EFHD2: variants seen among roughly 807,000 people sequenced by gnomAD.
EFHD2 encodes the protein EF-hand domain-containing protein D2.
In EFHD2, 12 loss-of-function variants were observed where a neutral mutation model predicts 20.3. The ratio of observed to expected loss-of-function variants is 0.59; its 90% CI spans 0.38 to 0.96. The LOEUF (loss-of-function observed/expected upper bound fraction) is 0.96. EFHD2 is among the 40% of genes least tolerant of loss of function. EFHD2 has a pLI of 0.00. For synonymous variants in EFHD2, 131 were observed against 143.9 expected, an observed-to-expected ratio of 0.91 and a Z score of 0.64; for missense variants, 250 against 334.3, an observed-to-expected ratio of 0.75 and a Z score of 1.97.
At chr1:15,416,164 T>C (rs1458436944) in intron 1 of EFHD2, among the ~76,000 whole-genome samples, 1 of 152,022 alleles carries the variant, frequency 6.6e-6, no homozygotes, top group Non-Finnish European at 1.5e-5. Context: ...TTGGTTCCTC[T>C]TTGGTCCACC....
At position 15,429,196 on chromosome 1, in the gene EFHD2, T is replaced by C; in HGVS notation, c.*472T>C. ...CTGGGAGACGGCAGAAGAGATAGAA[T>C]CAGGGCTGCCCCCACAGAGTGGGAC... On this transcript the variant is annotated 3_prime_UTR_variant, in exon 4 of 4. Coordinates refer to ENST00000375980, the MANE Select transcript of EFHD2 (RefSeq NM_024329.6). 1 of 176,418 alleles carries C rather than the reference T, an allele frequency of 5.7e-6. No individual in the cohort carries two copies. The highest frequency in any genetic ancestry group is 1.2e-5 in the Non-Finnish European group (1 of 82,560). The allele number at this position is 176,418 out of a possible 1,614,324, so 10.9% of individuals were successfully genotyped here.
chr1:15,418,298 A>C (rs1274467000), intron 1 of EFHD2, among the ~76,000 whole-genome samples: 1 of 112,636 alleles, frequency 8.9e-6, no homozygotes, highest in Non-Finnish European at 1.7e-5. Context: ...TCGAGGAGCA[A>C]CTTTTTTTTT....
intron 1 of EFHD2, among the ~76,000 whole-genome samples, chr1:15,418,334 C>T (rs1359941265): frequency 1.9e-5 from 2 of 105,950 alleles, no homozygotes; most frequent in Non-Finnish European, 3.6e-5. Context: ...GAGATGGAGT[C>T]TCGCTCTGTC....
In EFHD2 at chr1:15,423,823, G is replaced by A. The variant is rs184215980; in HGVS notation, c.309-2048G>A. Among the ~76,000 whole-genome samples, 461 of 152,226 alleles carry A rather than the reference G, an allele frequency of 3.0e-3. 5 individuals carry two copies. The highest frequency in any genetic ancestry group is 0.011 in the African/African-American group (443 of 41,518). On this transcript the variant is annotated intron_variant, in intron 1 of 3. Coordinates refer to ENST00000375980, the MANE Select transcript of EFHD2 (RefSeq NM_024329.6). ...TCTGGAACACATCCACCTGTGTTGC[G>A]CTGCTGTCACCAGCACTGTCACCCA...
chr1:15,424,047 C>T (rs2103278474), intron 1 of EFHD2, among the ~76,000 whole-genome samples: 1 of 152,008 alleles, frequency 6.6e-6, no homozygotes, highest in African/African-American at 2.4e-5. Context: ...CAAAACTTGG[C>T]CAGTCATGGT....
rs915722667 is a variant in EFHD2 at position 15,428,898 on chromosome 1, C to A, written c.*174C>A. The A allele has an allele frequency of 6.2e-6, 6 of 963,922 alleles. No individual in the cohort carries two copies. The highest frequency in any genetic ancestry group is 9.1e-6 in the Non-Finnish European group (6 of 660,304). The allele number at this position is 963,922 out of a possible 1,614,324, so 59.7% of individuals were successfully genotyped here. A position where few individuals can be genotyped will look rare whatever the true frequency, so the allele number is the denominator to read the frequency against. On this transcript the variant is annotated 3_prime_UTR_variant, in exon 4 of 4. Coordinates refer to ENST00000375980, the MANE Select transcript of EFHD2 (RefSeq NM_024329.6). Reference sequence around the variant, plus strand: ...TTATGGAGGTGGCCCGGCCCCTCCCCGCTCCCTTCCACTCTGCACGAGGCC... The same window carrying A: ...TTATGGAGGTGGCCCGGCCCCTCCCAGCTCCCTTCCACTCTGCACGAGGCC...
intron 1 of EFHD2, among the ~76,000 whole-genome samples, chr1:15,417,981 CTTTTTTTTT>C (rs57589251): frequency 5.2e-5 from 5 of 97,082 alleles, no homozygotes; most frequent in East Asian, 3.1e-4. Flanking sequence ...CTTTCTTTTT[CTTTTTTTTT>C]TTTTTTTTTT....
chr1:15,423,113 CAG>C (rs1707821235), intron 1 of EFHD2, among the ~76,000 whole-genome samples: 1 of 152,190 alleles, frequency 6.6e-6, no homozygotes, highest in Non-Finnish European at 1.5e-5. Context: ...AGGCAGCAAA[CAG>C]GGACCAGAGA....
Position 15,413,120 on chromosome 1 carries a change from G to A in EFHD2, c.308+2841G>A, listed in dbSNP as rs547320492. Among the ~76,000 whole-genome samples, 5 of 152,332 alleles carry A rather than the reference G, an allele frequency of 3.3e-5. No homozygotes were observed. Among genetic ancestry groups the A allele is most frequent in the South Asian group, 2.1e-4 (1 of 4,824 alleles). On this transcript the variant is annotated intron_variant, in intron 1 of 3. Coordinates refer to ENST00000375980, the MANE Select transcript of EFHD2 (RefSeq NM_024329.6). The surrounding 1 kb of genome is among the most constrained non-coding windows in gnomAD (Gnocchi z 4.4). ...AACCCCCGTTCTGCTTCCGCTGTCCGAGTGGGGCTGCAGCCTCCTGGGTCC... is the reference window on the plus strand; with the variant it reads ...AACCCCCGTTCTGCTTCCGCTGTCCAAGTGGGGCTGCAGCCTCCTGGGTCC...
chr1:15,415,039 G>C (rs1036363011), intron 1 of EFHD2, among the ~76,000 whole-genome samples: 1 of 152,180 alleles, frequency 6.6e-6, no homozygotes, highest in African/African-American at 2.4e-5. Context: ...CTGAGTCTTT[G>C]TGACGAGCCC....
At position 15,409,987 on chromosome 1, in the gene EFHD2, C is replaced by G; in HGVS notation, c.16C>G (p.Leu6Val). The G allele has an allele frequency of 8.0e-7, 1 of 1,248,366 alleles. No homozygotes were observed. Among genetic ancestry groups the G allele is most frequent in the Non-Finnish European group, 1.0e-6 (1 of 1,000,448 alleles). 77.3% of individuals were successfully genotyped at this position (1,248,366 alleles called of 1,614,324 possible). A position where few individuals can be genotyped will look rare whatever the true frequency, so the allele number is the denominator to read the frequency against. MATDELATKLSRRLQM... is the reference protein window; with the variant it reads MATDEVATKLSRRLQM... ...GCGGGCCACCATGGCCACGGACGAG[C>G]TGGCCACCAAGCTGAGCCGGCGGCT... is the stretch of plus-strand genomic sequence containing the variant. The change falls in exon 1 of 4, where the codon CTG (leucine) becomes GTG (valine). Residue 6 changes from leucine to valine, a missense_variant. Around this residue, in one of 3 missense-constraint regions of EFHD2, gnomAD observed 143 missense variants for 190.6 expected, o/e 0.75. Coordinates refer to ENST00000375980, the MANE Select transcript of EFHD2 (RefSeq NM_024329.6).
chr1:15,423,265 T>G (rs573948467), intron 1 of EFHD2, among the ~76,000 whole-genome samples: 1 of 152,350 alleles, frequency 6.6e-6, no homozygotes, highest in East Asian at 1.9e-4. Context: ...CCACAGGGGC[T>G]GCTGGCCCAT....
chr1:15,417,925 A>C (rs1707705346), intron 1 of EFHD2, among the ~76,000 whole-genome samples: 2 of 151,128 alleles, frequency 1.3e-5, no homozygotes, highest in South Asian at 4.2e-4. Context: ...TTCTGCCATC[A>C]GACTGTGCAG....
intron 1 of EFHD2, among the ~76,000 whole-genome samples, chr1:15,416,411 G>A (rs939278569): frequency 5.3e-5 from 8 of 152,188 alleles, no homozygotes; most frequent in Non-Finnish European, 8.8e-5. Context: ...CCTGACTGCC[G>A]GGCAACCTTC....
chr1:15,418,574 G>T (rs561144411), intron 1 of EFHD2, among the ~76,000 whole-genome samples: 1 of 151,798 alleles, frequency 6.6e-6, no homozygotes, highest in African/African-American at 2.4e-5. Context: ...CAAAGTGCTG[G>T]GATTACAGGC....
chr1:15,415,284 T>C (rs948027384), intron 1 of EFHD2, among the ~76,000 whole-genome samples: 4 of 152,152 alleles, frequency 2.6e-5, no homozygotes, highest in Admixed American at 6.5e-5. Context: ...GGTTTTTTTC[T>C]TTATTTCTGC....
chr1:15,415,785 C>T (rs1210102360), intron 1 of EFHD2, among the ~76,000 whole-genome samples: 1 of 152,148 alleles, frequency 6.6e-6, no homozygotes, highest in Admixed American at 6.5e-5. Context: ...CCACCGCTCC[C>T]AGCCTGATAC....
rs1225443509 is a variant in EFHD2, at chr1:15,410,138, G to A, written c.167G>A (p.Ser56Asn). The A allele has an allele frequency of 1.3e-6, 2 of 1,591,876 alleles. No individual in the cohort carries two copies. The highest frequency in any genetic ancestry group is 1.7e-6 in the Non-Finnish European group (2 of 1,171,718). Residue 56 changes from serine (S) to asparagine (N), a missense_variant, in exon 1 of 4, where the codon AGC becomes AAC. This residue lies in a region of EFHD2 where 143 missense variants were observed against 190.6 expected (regional missense o/e 0.75). Coordinates refer to ENST00000375980, the MANE Select transcript of EFHD2 (RefSeq NM_024329.6). ...EALGSADCEL[S>N]AKLLRRADLN... ...CTGGGCAGCGCGGACTGCGAGCTGA[G>A]CGCCAAGCTGCTGCGGCGCGCAGAC...
intron 1 of EFHD2, among the ~76,000 whole-genome samples, chr1:15,415,798 T>G (rs1348802896): frequency 2.6e-5 from 4 of 152,060 alleles, no homozygotes; most frequent in African/African-American, 9.7e-5. Flanking sequence ...CCTGATACTA[T>G]CATTTTTATC....
Sources: gnomAD v4.1 joint callset for allele counts (sites outside exome capture counted in the v4.1 genomes callset) on GRCh38, gnomAD v4.1.1 for gene constraint, gnomAD v4.1.1 regional missense constraint, Gnocchi (gnomAD v3.1) non-coding constraint, MANE v1.5 for transcripts, NCBI Gene and HGNC (gene_info 2026-07-23, HGNC 2026-07-21) for gene names.